The following NEK10 variants were observed in gnomAD, a reference collection of about 807,000 sequenced individuals.
NEK10 encodes the protein serine/threonine-protein kinase Nek10.
A neutral mutation model predicts 159.8 loss-of-function variants in NEK10; 122 were observed. That is an observed-to-expected ratio of 0.76 (90% CI 0.66 to 0.89). The LOEUF is 0.89. Among genes scored for constraint, NEK10 ranks in the 40% least tolerant of loss-of-function variants. The pLI is 0.00. For synonymous variants in NEK10, 466 were observed against 457.1 expected, an observed-to-expected ratio of 1.02 and a Z score of -0.25; for missense variants, 1,342 against 1,323.1, an observed-to-expected ratio of 1.01 and a Z score of -0.22.
At chr3:27,285,940 C>T (rs2042559823) in intron 20 of NEK10, among the ~76,000 whole-genome samples, 1 of 152,010 alleles carries the variant, frequency 6.6e-6, no homozygotes, top group South Asian at 2.1e-4. Context: ...TCCAATTTTT[C>T]ATAATTTCAA....
chr3:27,362,149 G>C (rs999442469), intron 1 of NEK10, among the ~76,000 whole-genome samples: 2 of 152,164 alleles, frequency 1.3e-5, no homozygotes, highest in Non-Finnish European at 2.9e-5. Flanking sequence ...ACTTGAAGAA[G>C]GTCCAGAAGG....
intron 32 of NEK10, among the ~76,000 whole-genome samples, chr3:27,122,131 G>A (rs1941403021): frequency 6.6e-6 from 1 of 152,006 alleles, no homozygotes; most frequent in Non-Finnish European, 1.5e-5. Context: ...GAGGTAATTG[G>A]ATCATGGGGG....
chr3:27,349,634 C>A (rs1270920266), intron 3 of NEK10, among the ~76,000 whole-genome samples: 1 of 151,962 alleles, frequency 6.6e-6, no homozygotes, highest in African/African-American at 2.4e-5. Flanking sequence ...TTTAAAATTC[C>A]AAATAAATTC....
At position 27,307,869 on chromosome 3, in the gene NEK10, G is replaced by C; in HGVS notation, c.793C>G (p.Leu265Val). The part of the protein sequence containing the change: ...LLMILHEYDL[L>V]SKRLTAELLR... Reference sequence around the variant, plus strand: ...TGTTAGCAATCCTACCTTTTAGAAAGCAAGTCATATTCATGTAAAATCATC... The same window carrying C: ...TGTTAGCAATCCTACCTTTTAGAAACCAAGTCATATTCATGTAAAATCATC... The change falls in exon 11 of 36, where the codon CTT becomes GTT. Residue 265 changes from leucine to valine, a missense_variant. Physicochemically the swap from Leu to Val is conservative, Grantham distance 32. Transcript: ENST00000691995. 1 of 1,513,424 alleles carries C rather than the reference G, an allele frequency of 6.6e-7. No homozygotes were observed. The highest frequency in any genetic ancestry group is 2.3e-5 in the East Asian group (1 of 44,134). The allele number at this position is 1,513,424 out of a possible 1,614,324, so 93.7% of individuals were successfully genotyped here.
rs569669009 is a variant in NEK10, at chr3:27,108,224, A to G, written c.*3048T>C. On this transcript the variant is annotated 3_prime_UTR_variant, in exon 36 of 36. Transcript: ENST00000691995. ...GTGTTCTGCTTTAGAATGCCTAAAC[A>G]TTCTGTAAACACTGCCTAATGCCAT... Among the ~76,000 whole-genome samples the G allele has an allele frequency of 6.1e-4, 93 of 152,340 alleles. No homozygotes were observed. The highest frequency in any genetic ancestry group is 2.1e-3 in the African/African-American group (89 of 41,592).
rs1357275394 is a variant in NEK10 at position 27,235,584 on chromosome 3, T to G, written c.2090+20712A>C. On this transcript the variant is annotated intron_variant, in intron 23 of 35. Coordinates refer to ENST00000691995, the MANE Select transcript of NEK10 (RefSeq NM_001394966.1). ...AGATGTCATCTCACGCCCATCACAA[T>G]GGCTATCACTAAGAAGTCAAAAAAT... Among the ~76,000 whole-genome samples, 3 of 152,244 alleles carry G rather than the reference T, an allele frequency of 2.0e-5. No homozygotes were observed. The East Asian group carries it at 5.8e-4, about 29-fold the overall frequency.
intron 5 of NEK10, among the ~76,000 whole-genome samples, chr3:27,333,878 G>C (rs756376640): frequency 6.6e-6 from 1 of 152,184 alleles, no homozygotes; most frequent in Non-Finnish European, 1.5e-5. Flanking sequence ...CTGGGGCTGA[G>C]GCACAAGTGG....
chr3:27,173,919 G>A (rs978655832), intron 28 of NEK10, among the ~76,000 whole-genome samples: 1 of 151,160 alleles, frequency 6.6e-6, no homozygotes, highest in Non-Finnish European at 1.5e-5. Context: ...TTTCTTTACT[G>A]TTTTAAATTA....
chr3:27,122,166 G>C (rs1941411212), intron 32 of NEK10, among the ~76,000 whole-genome samples: 1 of 152,060 alleles, frequency 6.6e-6, no homozygotes, highest in Non-Finnish European at 1.5e-5. Flanking sequence ...CTGTTGTCAT[G>C]ATAGTGTGTG....
At chr3:27,260,323 T>C (rs1280858282) in intron 22 of NEK10, among the ~76,000 whole-genome samples, 1 of 152,148 alleles carries the variant, frequency 6.6e-6, no homozygotes, top group Non-Finnish European at 1.5e-5. Context: ...TGCTTCCAGT[T>C]TTTGCCCATT....
At chr3:27,172,467 G>T (rs1225152123) in intron 28 of NEK10, among the ~76,000 whole-genome samples, 1 of 151,300 alleles carries the variant, frequency 6.6e-6, no homozygotes, top group Non-Finnish European at 1.5e-5. Flanking sequence ...AGGGAAGTTA[G>T]TATATCAAAA....
chr3:27,284,255 G>T (rs921702574), intron 22 of NEK10, among the ~76,000 whole-genome samples: 27 of 152,128 alleles, frequency 1.8e-4, no homozygotes, highest in African/African-American at 6.3e-4. Flanking sequence ...CATGGTGGCG[G>T]GTGCCCATAA....
At chr3:27,356,545 T>C (rs1182198090) in intron 1 of NEK10, among the ~76,000 whole-genome samples, 1 of 152,146 alleles carries the variant, frequency 6.6e-6, no homozygotes, top group African/African-American at 2.4e-5. Flanking sequence ...CCCCAGTCTG[T>C]AGTATTCTAT....
At chr3:27,149,722 A>G (rs1944647660) in intron 30 of NEK10, among the ~76,000 whole-genome samples, 1 of 152,168 alleles carries the variant, frequency 6.6e-6, no homozygotes, top group African/African-American at 2.4e-5. Flanking sequence ...AGATTAAGCC[A>G]GTTAATAATC....
At position 27,171,816 on chromosome 3, in the gene NEK10, T is replaced by C; in HGVS notation, c.2831+3A>G. ...TATTTCTAGGAGTTCAATTTGCACC[T>C]ACCTTGTTTGGGATTGTCTTTCTCC... is the stretch of plus-strand genomic sequence containing the variant. On this transcript the variant is annotated splice_donor_region_variant and intron_variant, in intron 29 of 35. Transcript: ENST00000691995. 6.2e-7 allele frequency: 1 copy of C among 1,613,710 alleles called. No individual in the cohort carries two copies. Among genetic ancestry groups the C allele is most frequent in the Non-Finnish European group, 8.5e-7 (1 of 1,179,854 alleles).
chr3:27,346,858 T>G (rs1285583690), intron 3 of NEK10, among the ~76,000 whole-genome samples: 2 of 152,192 alleles, frequency 1.3e-5, no homozygotes, highest in African/African-American at 4.8e-5. Context: ...ATTATCAAAT[T>G]TACCATAAGT....
At chr3:27,202,859 C>T (rs1559603058) in intron 23 of NEK10, among the ~76,000 whole-genome samples, 1 of 152,128 alleles carries the variant, frequency 6.6e-6, no homozygotes, top group Non-Finnish European at 1.5e-5. Context: ...GAGTTGCTGG[C>T]CCCAGTTCTT....
intron 10 of NEK10, among the ~76,000 whole-genome samples, 181 bp from the exon 11 acceptor site, chr3:27,308,126 G>T (rs2044385989): frequency 6.6e-6 from 1 of 152,190 alleles, no homozygotes. Context: ...AGTCATGGTG[G>T]AAGATAAAGG....
At chr3:27,126,819 T>A (rs1942015523) in intron 32 of NEK10, among the ~76,000 whole-genome samples, 1 of 151,916 alleles carries the variant, frequency 6.6e-6, no homozygotes, top group South Asian at 2.1e-4. Context: ...GCCCCTATTG[T>A]GTCTTAGTGC....
Sources: allele counts gnomAD v4.1 joint callset (sites outside exome capture counted in the v4.1 genomes callset), GRCh38; gene constraint gnomAD v4.1.1; transcripts MANE v1.5; gene names NCBI Gene and HGNC (gene_info 2026-07-23, HGNC 2026-07-21).